Variants in ASIC2 observed in about 807,000 individuals in gnomAD.
ASIC2 encodes the protein acid-sensing ion channel 2.
In ASIC2, 25 loss-of-function variants were observed where a neutral mutation model predicts 57.3. That is an observed-to-expected ratio of 0.44 (90% CI 0.32 to 0.61). The LOEUF is 0.61. Among genes scored for constraint, ASIC2 ranks in the 20% least tolerant of loss-of-function variants. The pLI, the probability that ASIC2 is intolerant of heterozygous loss-of-function variation, is 0.06. For missense variants in ASIC2, 641 were observed against 738.1 expected (o/e 0.87, Z 1.52); for synonymous variants, 319 against 307.5 (o/e 1.04, Z -0.39).
chr17:33,443,759 A>G (rs1911915858), intron 1 of ASIC2, among the ~76,000 whole-genome samples: 1 of 152,152 alleles, frequency 6.6e-6, no homozygotes, highest in African/African-American at 2.4e-5. Flanking sequence ...TTTACTTGTT[A>G]GAGAGAGGCC....
chr17:33,883,670 C>T (rs1914757784), intron 1 of ASIC2, among the ~76,000 whole-genome samples: 1 of 152,160 alleles, frequency 6.6e-6, no homozygotes, highest in South Asian at 2.1e-4. Flanking sequence ...CCCACAAGTA[C>T]CACGGACCCT....
chr17:33,091,234 T>G (rs1433904575), intron 2 of ASIC2, among the ~76,000 whole-genome samples: 1 of 152,228 alleles, frequency 6.6e-6, no homozygotes, highest in Non-Finnish European at 1.5e-5. Context: ...AATAGTCATC[T>G]TTCAGTGGCT....
chr17:33,743,923 A>G (rs1031249245), intron 1 of ASIC2, among the ~76,000 whole-genome samples: 2 of 152,292 alleles, frequency 1.3e-5, no homozygotes, highest in Non-Finnish European at 2.9e-5. Flanking sequence ...TGGAGCCCTA[A>G]ATTACTCTGA....
At chr17:33,015,917 T>C (rs543881385) in intron 9 of ASIC2, 54 bp downstream of exon 9, 4 of 1,592,000 alleles carry the variant, frequency 2.5e-6, no homozygotes, top group Non-Finnish European at 3.4e-6. Context: ...GGTTTTGTAC[T>C]GCCGGTACAA....
At chr17:33,593,909 C>T (rs1402436765) in intron 1 of ASIC2, among the ~76,000 whole-genome samples, 1 of 152,186 alleles carries the variant, frequency 6.6e-6, no homozygotes, top group Non-Finnish European at 1.5e-5. Context: ...TTCCCTAGGC[C>T]TGCTAATAAA....
At chr17:33,432,609 AT>A (rs761227159) in intron 1 of ASIC2, among the ~76,000 whole-genome samples, 19 of 152,198 alleles carry the variant, frequency 1.2e-4, no homozygotes, top group Non-Finnish European at 2.6e-4. Flanking sequence ...TTACTTTATT[AT>A]AAGAGTACAG....
chr17:33,354,899 A>G (rs1908318559), intron 1 of ASIC2, among the ~76,000 whole-genome samples: 1 of 152,114 alleles, frequency 6.6e-6, no homozygotes, highest in Non-Finnish European at 1.5e-5. Flanking sequence ...TTCCATGTCC[A>G]GCAGAGAGCA....
At chr17:33,790,388 T>C (rs1911736234) in intron 1 of ASIC2, among the ~76,000 whole-genome samples, 2 of 152,324 alleles carry the variant, frequency 1.3e-5, no homozygotes, top group South Asian at 2.1e-4. Context: ...TCTCAGAATA[T>C]GCCACCCAAA....
At chr17:33,573,217 T>C (rs973695017) in intron 1 of ASIC2, among the ~76,000 whole-genome samples, 2 of 152,214 alleles carry the variant, frequency 1.3e-5, no homozygotes, top group African/African-American at 4.8e-5. Context: ...CTTTCTCAGA[T>C]TTCCTGCTCC....
At chr17:33,246,693 G>C (rs920079041) in intron 1 of ASIC2, among the ~76,000 whole-genome samples, 2 of 152,234 alleles carry the variant, frequency 1.3e-5, no homozygotes, top group African/African-American at 4.8e-5. Flanking sequence ...CAAGTGCATA[G>C]TGCCTTACTG....
intron 1 of ASIC2, among the ~76,000 whole-genome samples, chr17:33,826,812 G>C (rs1466998024): frequency 1.2e-4 from 19 of 152,186 alleles, no homozygotes; most frequent in Admixed American, 1.2e-3. Flanking sequence ...GTCAGACATA[G>C]TGTCTGTCTA....
At chr17:34,002,561 T>C (rs533669169) in intron 1 of ASIC2, 1 of 152,358 alleles carries the variant, frequency 6.6e-6, no homozygotes, top group South Asian at 2.1e-4. Flanking sequence ...AAAGGTGCTC[T>C]CCTCAAAGAG....
intron 1 of ASIC2, among the ~76,000 whole-genome samples, chr17:33,460,302 G>A (rs1912591917): frequency 6.6e-6 from 1 of 152,194 alleles, no homozygotes; most frequent in African/African-American, 2.4e-5. Context: ...GTGCCAAGAA[G>A]GGGATGGGGT....
intron 1 of ASIC2, among the ~76,000 whole-genome samples, chr17:34,055,994 G>A (rs1321390604): frequency 1.3e-5 from 2 of 152,178 alleles, no homozygotes; most frequent in African/African-American, 4.8e-5. Context: ...GTTGAGAAAA[G>A]AGACTAGGAT....
intron 1 of ASIC2, among the ~76,000 whole-genome samples, chr17:33,993,824 T>C (rs1336162755): frequency 6.6e-6 from 1 of 152,190 alleles, no homozygotes; most frequent in Admixed American, 6.5e-5. Flanking sequence ...ACTTTCTTCC[T>C]CAGAAAATGA....
chr17:33,681,347 C>T (rs981359929), intron 1 of ASIC2, among the ~76,000 whole-genome samples: 2 of 152,146 alleles, frequency 1.3e-5, no homozygotes, highest in Admixed American at 6.5e-5. Flanking sequence ...TTCACAGCAT[C>T]CCTGGCCTCT....
At chr17:34,142,248 C>G (rs917309991) in intron 1 of ASIC2, among the ~76,000 whole-genome samples, 2 of 152,158 alleles carry the variant, frequency 1.3e-5, no homozygotes, top group Non-Finnish European at 2.9e-5. Flanking sequence ...CCCAATCACT[C>G]CTGCTCCAAG....
At chr17:33,518,130 T>A (rs1274971486) in intron 1 of ASIC2, among the ~76,000 whole-genome samples, 1 of 152,218 alleles carries the variant, frequency 6.6e-6, no homozygotes, top group Non-Finnish European at 1.5e-5. Flanking sequence ...TTTTTGATTT[T>A]TTTGGAGAAG....
intron 1 of ASIC2, among the ~76,000 whole-genome samples, chr17:33,120,863 A>G (rs1357805395): frequency 2.0e-5 from 3 of 152,116 alleles, no homozygotes; most frequent in Non-Finnish European, 4.4e-5. Flanking sequence ...GAAGGCACTT[A>G]ATGGGAGGTT....
Sources: allele counts gnomAD v4.1 joint callset (sites outside exome capture counted in the v4.1 genomes callset), GRCh38; gene constraint gnomAD v4.1.1; transcripts MANE v1.5; gene names NCBI Gene and HGNC (gene_info 2026-07-23, HGNC 2026-07-21).